Variants in NLRP12 observed in about 807,000 individuals in gnomAD.
NLRP12 encodes the protein NACHT, LRR and PYD domains-containing protein 12.
Under a neutral mutation model 91.2 loss-of-function variants are expected in NLRP12, and 108 were observed. That is an observed-to-expected ratio of 1.18 (90% confidence interval 1.01 to 1.39). The LOEUF (loss-of-function observed/expected upper bound fraction) is 1.39, where lower values mean the gene tolerates loss of function less well. Ranked by LOEUF, NLRP12 falls within the 40% of genes most tolerant of loss-of-function variation. The pLI is 0.00. For synonymous variants in NLRP12, 613 were observed against 566.7 expected, an observed-to-expected ratio of 1.08 and a Z score of -1.16; for missense variants, 1,530 against 1,352.7, an observed-to-expected ratio of 1.13 and a Z score of -2.06.
At chr19:53,801,492 C>G in intron 6 of NLRP12, 95 bp from the exon 7 acceptor site, 3 of 1,476,960 alleles carry the variant, frequency 2.0e-6, no homozygotes, top group Non-Finnish European at 1.8e-6. Flanking sequence ...CACTCTGTTG[C>G]CCAGGCTGGA....
intron 7 of NLRP12, 46 bp from the exon 8 acceptor site, chr19:53,798,459 C>T (rs1278860589): frequency 6.3e-7 from 1 of 1,586,704 alleles, no homozygotes; most frequent in Non-Finnish European, 8.6e-7. Flanking sequence ...ATTCCTCCTG[C>T]AAAATCTGCT....
At chr19:53,820,462 G>A (rs552820195) in intron 1 of NLRP12, among the ~76,000 whole-genome samples, 3 of 150,218 alleles carry the variant, frequency 2.0e-5, no homozygotes, top group Non-Finnish European at 1.5e-5. Flanking sequence ...CCCGGGAGGC[G>A]GAGCTTGCAC....
At chr19:53,823,410 T>C (rs958274605) in intron 1 of NLRP12, among the ~76,000 whole-genome samples, 2 of 109,174 alleles carry the variant, frequency 1.8e-5, no homozygotes, top group East Asian at 4.8e-4. Flanking sequence ...ATATTTAAAA[T>C]ATATGTTTTA....
chr19:53,823,310 TTATATAATAAATATATACTATATTTATA>T (rs1271054112), intron 1 of NLRP12, among the ~76,000 whole-genome samples: 1 of 136,970 alleles, frequency 7.3e-6, no homozygotes, highest in African/African-American at 2.8e-5. Flanking sequence ...TATAGTATAT[TTATATAATAAATATATACTATATTTATA>T]TATAATATAT....
chr19:53,807,429 G>T, intron 4 of NLRP12, 66 bp downstream of exon 4: 1 of 1,495,606 alleles, frequency 6.7e-7, no homozygotes, highest in Non-Finnish European at 9.2e-7. Flanking sequence ...TAGAACCTTT[G>T]TGACTGATCC....
At position 53,801,384 on chromosome 19, in the gene NLRP12, G is replaced by T. The variant is rs149373778; in HGVS notation, c.2599C>A (p.Arg867Ser). ...RLRTLWLKIC[R>S]LTAAACDELA... ...TCGTCACAGGCAGCAGCAGTGAGGC[G>T]GCAGATCTTCAGCCTGCACAAAGTC... Residue 867 changes from arginine (R) to serine (S), a missense_variant, in exon 7 of 10, where the codon CGC (arginine) becomes AGC (serine). Coordinates refer to ENST00000324134, the MANE Select transcript of NLRP12 (RefSeq NM_144687.4). 5 of 1,613,724 alleles carry T rather than the reference G, an allele frequency of 3.1e-6. No homozygotes were observed. In the African/African-American group the frequency reaches 5.3e-5, roughly 17 times the overall value.
Position 53,794,120 on chromosome 19 carries a change from G to C in NLRP12, c.3115C>G (p.Leu1039Val), listed in dbSNP as rs368267597. ...LRVLWLFGMD[L>V]NKMTHSRLAA... ...AACCTACTGTGGGTCATTTTATTCAGGTCCATCCCAAATAACCTGTGGACA... is the reference window on the plus strand; with the variant it reads ...AACCTACTGTGGGTCATTTTATTCACGTCCATCCCAAATAACCTGTGGACA... Residue 1039 changes from leucine (L) to valine (V), a missense_variant, in exon 10 of 10, where the codon CTG (leucine) becomes GTG (valine). Physicochemically the swap from Leu to Val is conservative, Grantham distance 32. Coordinates refer to ENST00000324134, the MANE Select transcript of NLRP12 (RefSeq NM_144687.4). 1.9e-6 allele frequency: 3 copies of C among 1,612,922 alleles called. No homozygotes were observed. In the African/African-American group the frequency reaches 4.0e-5, roughly 22 times the overall value.
chr19:53,795,800 C>A (rs910071838), intron 9 of NLRP12, 59 bp downstream of exon 9: 34 of 1,524,620 alleles, frequency 2.2e-5, no homozygotes, highest in Non-Finnish European at 3.0e-5. Flanking sequence ...CTTATCTACC[C>A]TCATGCTCCC....
chr19:53,793,887 C>T lies in NLRP12; in HGVS notation c.*162G>A, dbSNP rs1170991784. The T allele has an allele frequency of 4.3e-6, 3 of 704,974 alleles. No individual in the cohort carries two copies. Among genetic ancestry groups the T allele is most frequent in the Non-Finnish European group, 7.8e-6 (3 of 384,734 alleles). 43.7% of individuals were successfully genotyped at this position (704,974 alleles called of 1,614,324 possible). On this transcript the variant is annotated 3_prime_UTR_variant, in exon 10 of 10. Coordinates refer to ENST00000324134, the MANE Select transcript of NLRP12 (RefSeq NM_144687.4). ...TACATGAGCCACCACGCCTGGCCAG[C>T]TCTGTCAAACATTAATTTGATCCCA...
In NLRP12 at chr19:53,807,677, A is replaced by G. The variant is rs374665128; in HGVS notation, c.2073-12T>C. The G allele has an allele frequency of 1.6e-5, 26 of 1,613,954 alleles. No homozygotes were observed. The highest frequency in any genetic ancestry group is 2.7e-5 in the African/African-American group (2 of 74,926). The stretch of plus-strand genomic sequence containing the variant: ...CGGTCCTCTCTGGTCTGCTTGAAGG[A>G]AAGACAGGCCACTCTCTGGTGTTAC... On this transcript the variant is annotated splice_polypyrimidine_tract_variant and intron_variant, in intron 3 of 9. Coordinates refer to ENST00000324134, the MANE Select transcript of NLRP12 (RefSeq NM_144687.4).
At chr19:53,796,885 TCGGG>T (rs1568655923) in intron 8 of NLRP12, among the ~76,000 whole-genome samples, 2 of 102,978 alleles carry the variant, frequency 1.9e-5, no homozygotes, top group African/African-American at 7.8e-5. Context: ...TCCCAGCTAC[TCGGG>T]AGGCTGAGGC....
chr19:53,816,404 T>C (rs1343870946), intron 1 of NLRP12, among the ~76,000 whole-genome samples: 1 of 149,708 alleles, frequency 6.7e-6, no homozygotes, highest in Non-Finnish European at 1.5e-5. Flanking sequence ...TGTAGCTTCA[T>C]GTGACCCTCT....
In NLRP12 at chr19:53,809,629, C is replaced by T; in HGVS notation, c.2030G>A (p.Arg677His). ...GTGCGCTCCTGCGGAGCACCTCGCG[C>T]GGTCTTCCCCGTCCGCGCTGTAGGT... The part of the protein sequence containing the change: ...GATYSADGED[R>H]ARCSAGAHTL... Residue 677 changes from arginine to histidine, a missense_variant, in exon 3 of 10, where the codon CGC (arginine) becomes CAC (histidine). By Grantham distance (29) the Arg-to-His change is conservative (BLOSUM62 0). Transcript: ENST00000324134. 1.9e-6 allele frequency: 3 copies of T among 1,613,566 alleles called. No individual in the cohort carries two copies. The highest frequency in any genetic ancestry group is 2.5e-6 in the Non-Finnish European group (3 of 1,179,974).
intron 6 of NLRP12, among the ~76,000 whole-genome samples, chr19:53,802,478 C>T (rs6509823): frequency 0.16 from 24,289 of 151,718 alleles, 2,891 homozygotes; most frequent in African/African-American, 0.34. Flanking sequence ...GGGGCTGAGG[C>T]GGGCGGGTCA....
intron 1 of NLRP12, among the ~76,000 whole-genome samples, chr19:53,823,142 T>TACACATATATAC (rs1383408604): frequency 6.7e-6 from 1 of 149,608 alleles, no homozygotes; most frequent in East Asian, 1.9e-4. Flanking sequence ...CACATATATA[T>TACACATATATAC]ACGTGTGTGT....
chr19:53,814,476 T>C (rs2092126431), intron 2 of NLRP12, among the ~76,000 whole-genome samples: 1 of 152,104 alleles, frequency 6.6e-6, no homozygotes, highest in African/African-American at 2.4e-5. Flanking sequence ...CCTCAGCCTC[T>C]GAGTAGCTGG....
chr19:53,822,754 A>AG (rs1392084359), intron 1 of NLRP12, among the ~76,000 whole-genome samples: 4 of 148,164 alleles, frequency 2.7e-5, no homozygotes, highest in African/African-American at 9.9e-5. Context: ...AAAAAAAAAA[A>AG]GGATACCTCA....
intron 3 of NLRP12, chr19:53,807,877 A>C (rs1236927584): frequency 5.5e-6 from 3 of 547,804 alleles, no homozygotes; most frequent in Non-Finnish European, 1.0e-5. Flanking sequence ...CAGCCTCCAG[A>C]GTAGCTGGGA....
intron 1 of NLRP12, among the ~76,000 whole-genome samples, chr19:53,820,832 C>T (rs1032914816): frequency 1.2e-4 from 18 of 150,736 alleles, no homozygotes; most frequent in Non-Finnish European, 2.4e-4. Flanking sequence ...GGACTACAGG[C>T]GCCCATCACT....
Sources: allele counts gnomAD v4.1 joint callset (sites outside exome capture counted in the v4.1 genomes callset), GRCh38; gene constraint gnomAD v4.1.1; transcripts MANE v1.5; gene names NCBI Gene and HGNC (gene_info 2026-07-23, HGNC 2026-07-21).